The following SLC38A10 variants were observed in gnomAD, a reference collection of about 807,000 sequenced individuals.
The protein encoded by SLC38A10 is Sodium-coupled neutral amino acid transporter 10.
A neutral mutation model predicts 81.0 loss-of-function variants in SLC38A10; 53 were observed. That is an observed-to-expected ratio of 0.65 (90% CI 0.53 to 0.82). The LOEUF (loss-of-function observed/expected upper bound fraction) is 0.82. Ranked by LOEUF, SLC38A10 falls within the 40% of genes least tolerant of loss-of-function variation. The pLI, the probability that SLC38A10 is intolerant of heterozygous loss-of-function variation, is 0.00. For missense variants in SLC38A10, 1,471 were observed against 1,545.0 expected, an observed-to-expected ratio of 0.95 and a Z score of 0.80; for synonymous variants, 665 against 655.3, an observed-to-expected ratio of 1.01 and a Z score of -0.23.
chr17:81,252,740 G>A, intron 12 of SLC38A10, 57 bp from the exon 13 acceptor site: 1 of 1,527,016 alleles, frequency 6.5e-7, no homozygotes, highest in Non-Finnish European at 8.7e-7. Context: ...TCCCTTCCCA[G>A]GGAATTAGAA....
Position 81,283,545 on chromosome 17 carries a change from C to T in SLC38A10, c.264-43G>A, listed in dbSNP as rs180801529. The T allele has an allele frequency of 1.2e-4, 186 of 1,523,670 alleles. No individual in the cohort carries two copies. In the African/African-American group the frequency reaches 2.1e-3, roughly 17 times the overall value. 94.4% of individuals were successfully genotyped at this position (1,523,670 alleles called of 1,614,324 possible). On this transcript the variant is annotated intron_variant, in intron 3 of 15. Coordinates refer to ENST00000374759, the MANE Select transcript of SLC38A10 (RefSeq NM_001037984.3). This position sits in a 1 kb window ranked among gnomAD's most constrained non-coding sequence, Gnocchi z 4.7. The stretch of plus-strand genomic sequence containing the variant: ...GTACGGGAAATGCCATCAGGGCAAG[C>T]TGGCACACACCTGGGCTGCCGCCAG...
Position 81,253,310 on chromosome 17 carries a change from C to A in SLC38A10, c.1289-70G>T. On this transcript the variant is annotated intron_variant, in intron 11 of 15. Transcript: ENST00000374759. The surrounding 1 kb of genome is among the most constrained non-coding windows in gnomAD (Gnocchi z 4.1). Reference sequence around the variant, plus strand: ...CAGGAGCGGGGCAGCTCTCCCTGGACTGTTACCATATTTTCCAGCCAAATG... The same window carrying A: ...CAGGAGCGGGGCAGCTCTCCCTGGAATGTTACCATATTTTCCAGCCAAATG... 1 of 1,540,482 alleles carries A rather than the reference C, an allele frequency of 6.5e-7. No homozygotes were observed. The highest frequency in any genetic ancestry group is 8.8e-7 in the Non-Finnish European group (1 of 1,137,442).
At chr17:81,267,322 T>G (rs1373896007) in intron 10 of SLC38A10, among the ~76,000 whole-genome samples, 1 of 152,132 alleles carries the variant, frequency 6.6e-6, no homozygotes, top group Non-Finnish European at 1.5e-5. Flanking sequence ...ATTAAAAAAA[T>G]GAAGTCATTA....
intron 8 of SLC38A10, among the ~76,000 whole-genome samples, chr17:81,273,897 C>T (rs554349069): frequency 6.6e-6 from 1 of 152,222 alleles, no homozygotes; most frequent in African/African-American, 2.4e-5. Flanking sequence ...GCACATGGGC[C>T]GAAGACAAGA....
chr17:81,252,376 AG>A lies in SLC38A10; in HGVS notation c.1763del (p.Ala588ValfsTer117), dbSNP rs982262635. The A allele has an allele frequency of 6.2e-7, 1 of 1,613,088 alleles. No individual in the cohort carries two copies. Among genetic ancestry groups the A allele is most frequent in the Non-Finnish European group, 8.5e-7 (1 of 1,180,008 alleles). ...QKVPEADGQP[A>X]VQPAKEDLGP... ...CCAGGTCCTCCTTTGCAGGCTGGACAGCTGGCTGACCATCTGCTTCTGGAAC... is the reference window on the plus strand; with the variant it reads ...CCAGGTCCTCCTTTGCAGGCTGGACACTGGCTGACCATCTGCTTCTGGAAC... On this transcript the variant is annotated frameshift_variant, in exon 13 of 16. Transcript: ENST00000374759. LOFTEE classifies it high-confidence loss of function.
chr17:81,272,736 G>C, intron 8 of SLC38A10, 109 bp from the exon 9 acceptor site: 1 of 699,880 alleles, frequency 1.4e-6, no homozygotes, highest in Non-Finnish European at 2.2e-6. Flanking sequence ...ACATCTCCAC[G>C]TGAGGCCGGC....
intron 10 of SLC38A10, among the ~76,000 whole-genome samples, chr17:81,269,372 G>A (rs1698935018): frequency 6.6e-6 from 1 of 152,146 alleles, no homozygotes; most frequent in Non-Finnish European, 1.5e-5. Flanking sequence ...AATTAGCTGG[G>A]TGTGGTGGCA....
Position 81,283,406 on chromosome 17 carries a change from T to C in SLC38A10, c.357+3A>G. ...CAACCCAGAACCCTGAACACATCCTTACCTGAAACCCGAACAGCCGGGCAA... is the reference window on the plus strand; with the variant it reads ...CAACCCAGAACCCTGAACACATCCTCACCTGAAACCCGAACAGCCGGGCAA... On this transcript the variant is annotated splice_donor_region_variant and intron_variant, in intron 4 of 15. Coordinates refer to ENST00000374759, the MANE Select transcript of SLC38A10 (RefSeq NM_001037984.3). The surrounding 1 kb of genome is among the most constrained non-coding windows in gnomAD (Gnocchi z 4.7). 1 of 1,609,710 alleles carries C rather than the reference T, an allele frequency of 6.2e-7. No individual in the cohort carries two copies.
Position 81,281,662 on chromosome 17 carries a change from G to A in SLC38A10, c.501+527C>T, listed in dbSNP as rs183373617. On this transcript the variant is annotated intron_variant, in intron 5 of 15. Coordinates refer to ENST00000374759, the MANE Select transcript of SLC38A10 (RefSeq NM_001037984.3). This position sits in a 1 kb window ranked among gnomAD's most constrained non-coding sequence, Gnocchi z 5.3. ...GTGGTGGCGGGCACCTGTAATCCCC[G>A]CTACTTGGGAGGCTGAGGCAGGAGA... Among the ~76,000 whole-genome samples, 6 of 152,090 alleles carry A rather than the reference G, an allele frequency of 3.9e-5. No individual in the cohort carries two copies. In the East Asian group the frequency reaches 7.7e-4, roughly 20 times the overall value.
At chr17:81,273,436 CA>C (rs2063134704) in intron 8 of SLC38A10, among the ~76,000 whole-genome samples, 1 of 152,232 alleles carries the variant, frequency 6.6e-6, no homozygotes, top group Non-Finnish European at 1.5e-5. Context: ...CATCTGTCAA[CA>C]GAAGCATCTC....
Position 81,276,932 on chromosome 17 carries a change from A to T in SLC38A10, c.729+99T>A. 8.1e-7 allele frequency: 1 copy of T among 1,237,136 alleles called. No homozygotes were observed. The highest frequency in any genetic ancestry group is 1.2e-6 in the Non-Finnish European group (1 of 848,008). 76.6% of individuals were successfully genotyped at this position (1,237,136 alleles called of 1,614,324 possible). A position where few individuals can be genotyped will look rare whatever the true frequency, so the allele number is the denominator to read the frequency against. On this transcript the variant is annotated intron_variant, in intron 7 of 15. Transcript: ENST00000374759. This position sits in a 1 kb window ranked among gnomAD's most constrained non-coding sequence, Gnocchi z 4.7. ...GGAACAGAGAGAAAAACCCAGCAGC[A>T]CACAGGGCCAGGGCCATGCCTGTGG...
rs1179577289 is a variant in SLC38A10, at chr17:81,282,268, C to G, written c.422G>C (p.Ser141Thr). 1 of 1,613,598 alleles carries G rather than the reference C, an allele frequency of 6.2e-7. No homozygotes were observed. The highest frequency in any genetic ancestry group is 2.2e-5 in the East Asian group (1 of 44,886). The change falls in exon 5 of 16, where the codon AGC becomes ACC. Residue 141 changes from serine (S) to threonine (T), a missense_variant. Coordinates refer to ENST00000374759, the MANE Select transcript of SLC38A10 (RefSeq NM_001037984.3). ...GGAGGCCATCATGTTCCGCTGCAGGCTGAGCGGGAGCACGATGCACAGCGA... is the reference window on the plus strand; with the variant it reads ...GGAGGCCATCATGTTCCGCTGCAGGGTGAGCGGGAGCACGATGCACAGCGA... ...AVSLCIVLPL[S>T]LQRNMMASIQ...
intron 9 of SLC38A10, 109 bp downstream of exon 9, chr17:81,272,407 G>A (rs2063124576): frequency 9.0e-6 from 5 of 557,868 alleles, no homozygotes; most frequent in Non-Finnish European, 1.5e-5. Context: ...ACTTTTTTAA[G>A]AGACCAGAGA....
chr17:81,256,371 G>A (rs115803078), intron 11 of SLC38A10, among the ~76,000 whole-genome samples: 1,927 of 152,340 alleles, frequency 0.013, 21 homozygotes, highest in African/African-American at 0.025. Flanking sequence ...ACCCCAGACC[G>A]GAGGCCAGCA....
At position 81,252,344 on chromosome 17, in the gene SLC38A10, C is replaced by G; in HGVS notation, c.1796G>C (p.Gly599Ala). 1 of 1,613,076 alleles carries G rather than the reference C, an allele frequency of 6.2e-7. No individual in the cohort carries two copies. The highest frequency in any genetic ancestry group is 8.5e-7 in the Non-Finnish European group (1 of 1,179,956). Residue 599 changes from glycine (G) to alanine (A), a missense_variant, in exon 13 of 16, where the codon GGA becomes GCA. By Grantham distance (60) the Gly-to-Ala change is moderately conservative (BLOSUM62 0). Transcript: ENST00000374759. ...VQPAKEDLGP[G>A]DRGLHPRPQA... ...GGGCCGAGGATGCAGGCCCCTGTCT[C>G]CTGGCCCCAGGTCCTCCTTTGCAGG...
chr17:81,247,254 G>A, intron 14 of SLC38A10, 193 bp from the exon 15 acceptor site: 1 of 521,032 alleles, frequency 1.9e-6, no homozygotes, highest in East Asian at 3.4e-5. Flanking sequence ...GCAGGCCTGA[G>A]GGCCCGGGAG....
intron 1 of SLC38A10, 151 bp downstream of exon 1, chr17:81,294,672 C>A: frequency 1.7e-6 from 1 of 575,554 alleles, no homozygotes; most frequent in Non-Finnish European, 2.8e-6. Flanking sequence ...ACGGGAACTG[C>A]GCCGGGACCC....
chr17:81,252,866 G>A (rs1419915669), intron 12 of SLC38A10, among the ~76,000 whole-genome samples, 183 bp from the exon 13 acceptor site: 1 of 152,232 alleles, frequency 6.6e-6, no homozygotes, highest in East Asian at 1.9e-4. Flanking sequence ...AAGTTCAACA[G>A]GGGCAGCTGC....
In SLC38A10 at chr17:81,288,430, G is replaced by A. The variant is rs990240595; in HGVS notation, c.217+1261C>T. Among the ~76,000 whole-genome samples, 1 of 152,158 alleles carries A rather than the reference G, an allele frequency of 6.6e-6. No individual in the cohort carries two copies. Among genetic ancestry groups the A allele is most frequent in the African/African-American group, 2.4e-5 (1 of 41,406 alleles). ...GCCAGAGTTTTCACCAAAACCCACA[G>A]GGCCAACTCCTGAGAACACGGATGC... On this transcript the variant is annotated intron_variant, in intron 2 of 15. Coordinates refer to ENST00000374759, the MANE Select transcript of SLC38A10 (RefSeq NM_001037984.3). This position sits in a 1 kb window ranked among gnomAD's most constrained non-coding sequence, Gnocchi z 5.4.
Sources: allele counts gnomAD v4.1 joint callset (sites outside exome capture counted in the v4.1 genomes callset), GRCh38; gene constraint gnomAD v4.1.1; non-coding constraint Gnocchi (gnomAD v3.1); transcripts MANE v1.5; gene names NCBI Gene and HGNC (gene_info 2026-07-23, HGNC 2026-07-21).